The following ANKRD45 variants were observed in gnomAD, a reference collection of about 807,000 sequenced individuals.
ANKRD45 encodes ankyrin repeat domain 45.
A neutral mutation model predicts 28.1 loss-of-function variants in ANKRD45; 21 were observed. The observed-to-expected ratio is 0.75, with a 90% CI of 0.53 to 1.08. The LOEUF (loss-of-function observed/expected upper bound fraction) is 1.08, where lower values mean the gene tolerates loss of function less well. ANKRD45 is among the 50% of genes least tolerant of loss of function. The probability of loss-of-function intolerance (pLI) is 0.00; values close to 1 mark genes in which losing one functional copy is unlikely to be tolerated. For missense variants in ANKRD45, 261 were observed against 308.7 expected (o/e 0.85, Z 1.16); for synonymous variants, 86 against 103.9 (o/e 0.83, Z 1.05).
intron 2 of ANKRD45, 48 bp from the exon 3 acceptor site, chr1:173,647,061 T>C (rs1367847185): frequency 1.3e-6 from 2 of 1,556,772 alleles, no homozygotes; most frequent in Non-Finnish European, 1.8e-6. Flanking sequence ...TACATTGTTT[T>C]AGGCTAATTT....
chr1:173,653,394 G>T (rs1669335442), intron 2 of ANKRD45, among the ~76,000 whole-genome samples: 1 of 152,176 alleles, frequency 6.6e-6, no homozygotes, highest in African/African-American at 2.4e-5. Flanking sequence ...CAGTTTCCAT[G>T]TAGTTGTGTG....
the ANKRD45 span, among the ~76,000 whole-genome samples, chr1:173,701,919 T>C: frequency 5.3e-5 from 8 of 151,922 alleles, no homozygotes; most frequent in African/African-American, 1.5e-4. Flanking sequence ...ACAATAATAA[T>C]ATAAGATAGA....
In ANKRD45 at chr1:173,646,866, A is replaced by G; in HGVS notation, c.476T>C (p.Val159Ala). The change falls in exon 3 of 6, where the codon GTT becomes GCT. Residue 159 changes from valine (V) to alanine (A), a missense_variant. Val to Ala is a moderately conservative substitution (Grantham distance 64, BLOSUM62 0). Transcript: ENST00000333279. ...VAARYSQTEC[V>A]EFLDWADARL... ...CTTACCTGCCCAGTCCAGGAATTCA[A>G]CACACTCAGTCTGAGAATATCTAGC... is the stretch of plus-strand genomic sequence containing the variant. 3.7e-6 allele frequency: 6 copies of G among 1,614,160 alleles called. No homozygotes were observed. Among genetic ancestry groups the G allele is most frequent in the Middle Eastern group, 3.3e-4 (2 of 6,062 alleles).
In ANKRD45 at chr1:173,609,330, C is replaced by G. The variant is rs1667048654; in HGVS notation, c.*815G>C. ...AAGCCATAAGAACGAACAATAAGTG[C>G]TTTTTAAAAACCATCTTCTTTTCTA... On this transcript the variant is annotated 3_prime_UTR_variant, in exon 6 of 6. Coordinates refer to ENST00000333279, the MANE Select transcript of ANKRD45 (RefSeq NM_198493.3). 6.6e-6 allele frequency among the ~76,000 whole-genome samples: 1 copy of G among 152,124 alleles called. No homozygotes were observed. The highest frequency in any genetic ancestry group is 1.5e-5 in the Non-Finnish European group (1 of 68,026).
In ANKRD45 at chr1:173,608,978, A is replaced by G; in HGVS notation, c.*1167T>C. The stretch of plus-strand genomic sequence containing the variant: ...GGGAGAGGAAGGAGAAGGGGAAGGG[A>G]AGGGAAAAGGGAGAAGGGAGAAGGA... On this transcript the variant is annotated 3_prime_UTR_variant, in exon 6 of 6. Transcript: ENST00000333279. Among the ~76,000 whole-genome samples the G allele has an allele frequency of 7.3e-6, 1 of 136,540 alleles. No homozygotes were observed. Among genetic ancestry groups the G allele is most frequent in the African/African-American group, 2.8e-5 (1 of 36,322 alleles). The allele number at this position is 136,540 out of a possible 152,430, so 89.6% of individuals were successfully genotyped here. A position where few individuals can be genotyped will look rare whatever the true frequency, so the allele number is the denominator to read the frequency against.
chr1:173,677,107 T>C, the ANKRD45 span, among the ~76,000 whole-genome samples: 1 of 151,772 alleles, frequency 6.6e-6, no homozygotes, highest in African/African-American at 2.4e-5. Flanking sequence ...TTTAAAACAC[T>C]TGATATTACA....
chr1:173,691,644 G>C, the ANKRD45 span, among the ~76,000 whole-genome samples: 96 of 152,214 alleles, frequency 6.3e-4, 1 homozygote, highest in Admixed American at 6.0e-3. Flanking sequence ...AAATTAGCCA[G>C]GCTTGGTGGT....
At chr1:173,670,123 G>A (rs1030887503), upstream of ANKRD45, among the ~76,000 whole-genome samples, 6 of 152,274 alleles carry the variant, frequency 3.9e-5, no homozygotes, top group Admixed American at 2.6e-4. Context: ...GGAAATATGA[G>A]GTTGCATTCT....
At chr1:173,706,510 T>C in the ANKRD45 span, among the ~76,000 whole-genome samples, 1 of 151,866 alleles carries the variant, frequency 6.6e-6, no homozygotes, top group Non-Finnish European at 1.5e-5. Context: ...GGCTAATTTT[T>C]GTATTTTTAG....
At chr1:173,654,780 G>A (rs1669418588) in intron 2 of ANKRD45, among the ~76,000 whole-genome samples, 1 of 152,090 alleles carries the variant, frequency 6.6e-6, no homozygotes, top group Non-Finnish European at 1.5e-5. Context: ...ATATTTCTTA[G>A]AGGCTTTGTT....
the ANKRD45 span, among the ~76,000 whole-genome samples, chr1:173,707,622 C>A: frequency 5.9e-5 from 9 of 152,158 alleles, no homozygotes; most frequent in African/African-American, 2.2e-4. Flanking sequence ...CATGAGCCAC[C>A]ACGCCCAGGC....
At chr1:173,613,322 C>T (rs1667274065) in intron 5 of ANKRD45, among the ~76,000 whole-genome samples, 1 of 151,836 alleles carries the variant, frequency 6.6e-6, no homozygotes, top group Non-Finnish European at 1.5e-5. Context: ...CAGCAGCCGC[C>T]CCGTCTGAGA....
chr1:173,649,257 C>G (rs1669070852), intron 2 of ANKRD45, among the ~76,000 whole-genome samples: 1 of 152,082 alleles, frequency 6.6e-6, no homozygotes. Context: ...AAATTAGGAT[C>G]ATCAGGTATG....
chr1:173,704,412 C>A, the ANKRD45 span, among the ~76,000 whole-genome samples: 1 of 152,200 alleles, frequency 6.6e-6, no homozygotes, highest in African/African-American at 2.4e-5. Flanking sequence ...CTCTTTATTT[C>A]TTAATGAGGA....
chr1:173,714,803 G>A, the ANKRD45 span: 4 of 152,180 alleles, frequency 2.6e-5, no homozygotes, highest in Non-Finnish European at 4.4e-5. Context: ...CCCCCACGAG[G>A]ATAAACAACC....
Position 173,646,904 on chromosome 1 carries a change from A to G in ANKRD45, c.438T>C (p.Ala146=). The G allele has an allele frequency of 1.2e-6, 2 of 1,614,186 alleles. No individual in the cohort carries two copies. The highest frequency in any genetic ancestry group is 1.7e-6 in the Non-Finnish European group (2 of 1,180,038). ...IEALNFREER[A]RDVAARYSQT... ...GAGAATATCTAGCAGCAACATCTCG[A>G]GCCCTTTCTTCCCGGAAGTTCAAAG... Residue 146 remains alanine, a synonymous_variant, in exon 3 of 6, where the codon GCT becomes GCC. Transcript: ENST00000333279.
chr1:173,636,263 C>A (rs531310866), intron 3 of ANKRD45, among the ~76,000 whole-genome samples: 40 of 152,064 alleles, frequency 2.6e-4, no homozygotes, highest in Non-Finnish European at 5.3e-4. Flanking sequence ...CAAAAGGTGT[C>A]ATGTAATTTT....
chr1:173,611,598 CACACACACACACACACACACACAA>C (rs1398960530), intron 5 of ANKRD45, among the ~76,000 whole-genome samples: 3 of 147,860 alleles, frequency 2.0e-5, no homozygotes, highest in East Asian at 4.1e-4. Context: ...CACACACACA[CACACACACACACACACACACACAA>C]TAAAAATATA....
intron 3 of ANKRD45, among the ~76,000 whole-genome samples, chr1:173,633,698 A>G (rs1668292537): frequency 6.6e-6 from 1 of 152,018 alleles, no homozygotes; most frequent in Non-Finnish European, 1.5e-5. Context: ...AAATCTATAA[A>G]TCTCACTTTT....
Sources: gnomAD v4.1 joint callset for allele counts (sites outside exome capture counted in the v4.1 genomes callset) on GRCh38, gnomAD v4.1.1 for gene constraint, MANE v1.5 for transcripts, NCBI Gene and HGNC (gene_info 2026-07-23, HGNC 2026-07-21) for gene names.